HNRNPLL: variants seen among roughly 807,000 people sequenced by gnomAD.
The protein encoded by HNRNPLL is heterogeneous nuclear ribonucleoprotein L like, also known as heterogeneous nuclear ribonucleoprotein L-like.
A neutral mutation model predicts 67.1 loss-of-function variants in HNRNPLL; 25 were observed. The ratio of observed to expected loss-of-function variants is 0.37; its 90% CI spans 0.27 to 0.52. HNRNPLL has a LOEUF of 0.52. Among genes scored for constraint, HNRNPLL ranks in the 20% least tolerant of loss-of-function variants. The probability of loss-of-function intolerance (pLI) is 0.90; values close to 1 mark genes in which losing one functional copy is unlikely to be tolerated. For missense variants in HNRNPLL, 542 were observed against 673.9 expected (o/e 0.80, Z 2.17); for synonymous variants, 267 against 241.7 (o/e 1.10, Z -0.97).
intron 8 of HNRNPLL, among the ~76,000 whole-genome samples, chr2:38,570,756 C>T (rs919579174): frequency 1.3e-5 from 2 of 152,032 alleles, no homozygotes; most frequent in African/African-American, 4.8e-5. Context: ...AAACTGCAGA[C>T]AATCCCTGGT....
chr2:38,601,649 G>A (rs963365114), intron 1 of HNRNPLL: 4 of 152,158 alleles, frequency 2.6e-5, no homozygotes, highest in African/African-American at 9.7e-5. Context: ...CCTGGCTCTA[G>A]GAATGTGTGT....
intron 2 of HNRNPLL, among the ~76,000 whole-genome samples, chr2:38,590,658 C>A (rs771862067): frequency 1.3e-5 from 2 of 152,050 alleles, no homozygotes; most frequent in Non-Finnish European, 2.9e-5. Context: ...TGGGAAGAGA[C>A]AGGGGGAGCC....
chr2:38,575,661 T>G (rs531034188), intron 7 of HNRNPLL, among the ~76,000 whole-genome samples: 4 of 151,736 alleles, frequency 2.6e-5, no homozygotes, highest in Non-Finnish European at 5.9e-5. Flanking sequence ...GAACCATAAT[T>G]AACTCTTTCT....
At chr2:38,575,630 C>G (rs1230114128) in intron 7 of HNRNPLL, among the ~76,000 whole-genome samples, 1 of 151,810 alleles carries the variant, frequency 6.6e-6, no homozygotes, top group Non-Finnish European at 1.5e-5. Context: ...TAAACTTAAT[C>G]TGATGGAATC....
At position 38,585,941 on chromosome 2, in the gene HNRNPLL, T is replaced by C. The variant is rs187036059; in HGVS notation, c.309-60A>G. 70 of 1,004,810 alleles carry C rather than the reference T, an allele frequency of 7.0e-5. No homozygotes were observed. In the African/African-American group the frequency reaches 9.6e-4, roughly 14 times the overall value. 62.2% of individuals were successfully genotyped at this position (1,004,810 alleles called of 1,614,324 possible). ...CAGCAAGTTCCGTTAACATTATTTG[T>C]CCTCAATTAAGTAAAAGCAGACTTT... On this transcript the variant is annotated intron_variant, in intron 2 of 12. Transcript: ENST00000449105.
At chr2:38,599,842 T>C in intron 1 of HNRNPLL, 3 of 468,790 alleles carry the variant, frequency 6.4e-6, no homozygotes, top group Non-Finnish European at 8.8e-6. Flanking sequence ...AAGGCTTACT[T>C]TGCACTTTAC....
chr2:38,578,284 G>A (rs1367639593), intron 6 of HNRNPLL, among the ~76,000 whole-genome samples: 1 of 151,940 alleles, frequency 6.6e-6, no homozygotes, highest in African/African-American at 2.4e-5. Context: ...TTCAGAAAAG[G>A]CATGCCAATT....
chr2:38,596,549 C>T (rs748548467), intron 1 of HNRNPLL, among the ~76,000 whole-genome samples: 11 of 152,130 alleles, frequency 7.2e-5, no homozygotes, highest in Non-Finnish European at 1.3e-4. Flanking sequence ...TGAGCCACCG[C>T]GCCCCGCCTG....
intron 2 of HNRNPLL, 144 bp from the exon 3 acceptor site, chr2:38,586,025 CTTTT>C: frequency 5.6e-6 from 3 of 538,618 alleles, no homozygotes; most frequent in South Asian, 2.2e-5. Context: ...CGTAAGTCAA[CTTTT>C]TTTTTTTTTT....
chr2:38,580,070 T>C (rs375248618), intron 6 of HNRNPLL, among the ~76,000 whole-genome samples: 27 of 152,314 alleles, frequency 1.8e-4, no homozygotes, highest in Admixed American at 2.6e-4. Flanking sequence ...TTTAAAAGAA[T>C]AGATGTAAAC....
intron 2 of HNRNPLL, among the ~76,000 whole-genome samples, chr2:38,587,926 T>C (rs1666797284): frequency 1.3e-5 from 2 of 152,118 alleles, no homozygotes; most frequent in Admixed American, 6.5e-5. Context: ...ATCTGGTTGT[T>C]TGACAGTGTG....
Position 38,569,358 on chromosome 2 carries a change from T to A in HNRNPLL, c.1215-24A>T, listed in dbSNP as rs148599015. ...CGCTAAAGATTGTAAAGAAAAGACA[T>A]ACAAAAGTACTTTGTTAGATAAAAA... On this transcript the variant is annotated intron_variant, in intron 9 of 12. Transcript: ENST00000449105. 8 of 1,514,844 alleles carry A rather than the reference T, an allele frequency of 5.3e-6. No homozygotes were observed. The East Asian group carries it at 9.1e-5, about 17-fold the overall frequency. The allele number at this position is 1,514,844 out of a possible 1,614,324, so 93.8% of individuals were successfully genotyped here.
intron 6 of HNRNPLL, among the ~76,000 whole-genome samples, chr2:38,578,899 A>C (rs1487719653): frequency 6.6e-6 from 1 of 152,022 alleles, no homozygotes; most frequent in Non-Finnish European, 1.5e-5. Context: ...ATTTCCCCAA[A>C]GTCATTTCTT....
Position 38,602,925 on chromosome 2 carries a change from G to C in HNRNPLL, c.-299C>G. 3 of 1,500,474 alleles carry C rather than the reference G, an allele frequency of 2.0e-6. No individual in the cohort carries two copies. Among genetic ancestry groups the C allele is most frequent in the South Asian group, 1.2e-5 (1 of 82,792 alleles). 92.9% of individuals were successfully genotyped at this position (1,500,474 alleles called of 1,614,324 possible). A position where few individuals can be genotyped will look rare whatever the true frequency, so the allele number is the denominator to read the frequency against. ...TCCCTGCCCGGAGGAGCGAATCTAA[G>C]GATGGGGACGCAACCGTGGCTTCCG... On this transcript the variant is annotated 5_prime_UTR_variant, in exon 1 of 13. Coordinates refer to ENST00000449105, the MANE Select transcript of HNRNPLL (RefSeq NM_138394.4).
intron 1 of HNRNPLL, among the ~76,000 whole-genome samples, chr2:38,600,184 T>C (rs1207254566): frequency 6.6e-6 from 1 of 152,116 alleles, no homozygotes; most frequent in Non-Finnish European, 1.5e-5. Flanking sequence ...ACAATGATGG[T>C]TTTACTGTTA....
intron 2 of HNRNPLL, among the ~76,000 whole-genome samples, chr2:38,589,490 C>T (rs1037759080): frequency 6.6e-6 from 1 of 152,222 alleles, no homozygotes; most frequent in African/African-American, 2.4e-5. Flanking sequence ...ACTCCTATTA[C>T]ACCTATTTAT....
At chr2:38,597,900 G>A (rs986353499) in intron 1 of HNRNPLL, among the ~76,000 whole-genome samples, 4 of 152,004 alleles carry the variant, frequency 2.6e-5, no homozygotes, top group Non-Finnish European at 5.9e-5. Flanking sequence ...TCTTGGCCAG[G>A]CTGGTCTTGA....
In HNRNPLL at chr2:38,602,589, T is replaced by G; in HGVS notation, c.38A>C (p.Glu13Ala). 2 of 1,571,814 alleles carry G rather than the reference T, an allele frequency of 1.3e-6. No homozygotes were observed. Among genetic ancestry groups the G allele is most frequent in the Non-Finnish European group, 8.6e-7 (1 of 1,161,336 alleles). ...CTGGCTCTCGTACTCCCGGTCCTCC[T>G]CGTACGTCTCCCTGGGGGAGGAAGA... ...SSSSSPRETY[E>A]EDREYESQAK... Residue 13 changes from glutamate to alanine, a missense_variant, in exon 1 of 13, where the codon GAG becomes GCG. By Grantham distance (107) the Glu-to-Ala change is moderately radical. Coordinates refer to ENST00000449105, the MANE Select transcript of HNRNPLL (RefSeq NM_138394.4).
chr2:38,585,980 C>A, intron 2 of HNRNPLL, 99 bp from the exon 3 acceptor site: 1 of 785,676 alleles, frequency 1.3e-6, no homozygotes, highest in African/African-American at 1.7e-5. Flanking sequence ...AAAAATGTGT[C>A]AAATCCCACA....
Sources: gnomAD v4.1 joint callset for allele counts (sites outside exome capture counted in the v4.1 genomes callset) on GRCh38, gnomAD v4.1.1 for gene constraint, MANE v1.5 for transcripts, NCBI Gene and HGNC (gene_info 2026-07-23, HGNC 2026-07-21) for gene names.